The following LRP11 variants were observed in gnomAD, a reference collection of about 807,000 sequenced individuals.
LRP11 encodes LDL receptor related protein 11, also known as low-density lipoprotein receptor-related protein 11.
LRP11 carries 25 observed loss-of-function variants against 43.1 expected under a neutral mutation model. That is an observed-to-expected ratio of 0.58 (90% CI 0.42 to 0.81). The LOEUF (loss-of-function observed/expected upper bound fraction) is 0.81. Among genes scored for constraint, LRP11 ranks in the 30% least tolerant of loss-of-function variants. The pLI is 0.00. For synonymous variants in LRP11, 316 were observed against 299.4 expected (o/e 1.06, Z -0.57); for missense variants, 623 against 665.1 (o/e 0.94, Z 0.70).
intron 6 of LRP11, among the ~76,000 whole-genome samples, chr6:149,824,336 A>G (rs1776312403): frequency 6.6e-6 from 1 of 152,300 alleles, no homozygotes; most frequent in Admixed American, 6.5e-5. Flanking sequence ...GAACTGTCTG[A>G]TCTGATTCCT....
chr6:149,843,170 T>C (rs112078168), intron 2 of LRP11, 46 bp from the exon 3 acceptor site: 1 of 1,611,884 alleles, frequency 6.2e-7, no homozygotes, highest in Non-Finnish European at 8.5e-7. Flanking sequence ...AGACTTGAGC[T>C]CCGAGCCCAA....
rs1776242549 is a variant in LRP11, at chr6:149,818,796, TTAA to T, written c.*1750_*1752del. 6.6e-6 allele frequency: 1 copy of T among 152,254 alleles called. No homozygotes were observed. The highest frequency in any genetic ancestry group is 1.5e-5 in the Non-Finnish European group (1 of 68,032). 9.4% of individuals were successfully genotyped at this position (152,254 alleles called of 1,614,324 possible). A position where few individuals can be genotyped will look rare whatever the true frequency, so the allele number is the denominator to read the frequency against. The stretch of plus-strand genomic sequence containing the variant: ...GATTATATTAAAAGGAAAAAAAGGC[TTAA>T]TAATAAAATACAATTTATTAAAGGA... On this transcript the variant is annotated 3_prime_UTR_variant, in exon 7 of 7. Transcript: ENST00000239367.
At position 149,820,928 on chromosome 6, in the gene LRP11, CTTT is replaced by C. The variant is rs11399122; in HGVS notation, c.1349-228_1349-226del. On this transcript the variant is annotated intron_variant, in intron 6 of 6. Coordinates refer to ENST00000239367, the MANE Select transcript of LRP11 (RefSeq NM_032832.6). ...TGTAGGTTCAGGTCCCAAACCTAGA[CTTT>C]TTTTTTTTTTTTTTTTTGAGATGGA... is the stretch of plus-strand genomic sequence containing the variant. Among the ~76,000 whole-genome samples the C allele has an allele frequency of 5.3e-3, 615 of 116,444 alleles. 9 individuals carry two copies. Among genetic ancestry groups the C allele is most frequent in the Admixed American group, 0.039 (459 of 11,632 alleles). The allele number at this position is 116,444 out of a possible 152,430, so 76.4% of individuals were successfully genotyped here.
intron 5 of LRP11, among the ~76,000 whole-genome samples, chr6:149,831,407 G>C (rs2115378769): frequency 6.6e-6 from 1 of 152,330 alleles, no homozygotes; most frequent in Non-Finnish European, 1.5e-5. Flanking sequence ...GGATACAAGA[G>C]GGTGGAATTG....
Position 149,843,058 on chromosome 6 carries a change from C to A in LRP11, c.838G>T (p.Val280Leu), listed in dbSNP as rs769388596. Residue 280 changes from valine to leucine, a missense_variant, in exon 3 of 7, where the codon GTG becomes TTG. Val to Leu is a conservative substitution (Grantham distance 32). Transcript: ENST00000239367. ...CTTCTCTGCCCGGCAGTGTCCGTCA[C>A]GGTCAGCTGGAAGGTGTAGGTTCCC... ...QEGTYTFQLT[V>L]TDTAGQRSSD... The A allele has an allele frequency of 6.2e-7, 1 of 1,614,090 alleles. No individual in the cohort carries two copies. The highest frequency in any genetic ancestry group is 8.5e-7 in the Non-Finnish European group (1 of 1,180,040).
At chr6:149,844,184 C>T (rs989019038) in intron 2 of LRP11, among the ~76,000 whole-genome samples, 2 of 148,578 alleles carry the variant, frequency 1.3e-5, no homozygotes, top group Non-Finnish European at 3.0e-5. Flanking sequence ...AACTGGGAGA[C>T]AGAGGTTGTA....
chr6:149,838,337 A>C (rs2115386256), intron 3 of LRP11, among the ~76,000 whole-genome samples: 1 of 152,226 alleles, frequency 6.6e-6, no homozygotes, highest in South Asian at 2.1e-4. Flanking sequence ...CGTCCCTGGT[A>C]CTGTAGAGAA....
chr6:149,825,877 G>A (rs1776332280), intron 6 of LRP11, among the ~76,000 whole-genome samples: 1 of 152,148 alleles, frequency 6.6e-6, no homozygotes, highest in South Asian at 2.1e-4. Flanking sequence ...TTGAACTCCT[G>A]AGCTCAAGCG....
Position 149,844,416 on chromosome 6 carries a change from C to G in LRP11, c.772-1292G>C, listed in dbSNP as rs1388028966. 2.6e-5 allele frequency among the ~76,000 whole-genome samples: 4 copies of G among 152,156 alleles called. No individual in the cohort carries two copies. In the East Asian group the frequency reaches 7.7e-4, roughly 29 times the overall value. On this transcript the variant is annotated intron_variant, in intron 2 of 6. Coordinates refer to ENST00000239367, the MANE Select transcript of LRP11 (RefSeq NM_032832.6). ...TCCTGGGCTTCAGTTCTGATCACTC[C>G]CTAACCCAGGGCTCCATGCTTGCCC...
intron 4 of LRP11, 105 bp downstream of exon 4, chr6:149,837,233 T>C (rs1421974192): frequency 1.6e-6 from 2 of 1,249,984 alleles, no homozygotes; most frequent in Non-Finnish European, 2.2e-6. Context: ...ATAACTAAAA[T>C]CAAGCAGGGG....
In LRP11 at chr6:149,823,267, G is replaced by A. The variant is rs368645669; in HGVS notation, c.1349-2564C>T. 2.9e-4 allele frequency among the ~76,000 whole-genome samples: 44 copies of A among 152,304 alleles called. No individual in the cohort carries two copies. The South Asian group carries it at 8.5e-3, about 29-fold the overall frequency. On this transcript the variant is annotated intron_variant, in intron 6 of 6. Coordinates refer to ENST00000239367, the MANE Select transcript of LRP11 (RefSeq NM_032832.6). ...AGCAATTGGTAATTCATTTATGGGA[G>A]TACAGAAGATGGAGGATGCTACTTT...
intron 2 of LRP11, chr6:149,852,707 G>A: frequency 3.5e-6 from 1 of 288,328 alleles, no homozygotes; most frequent in South Asian, 1.6e-4. Context: ...AGTAATCTGA[G>A]TCATTAAAAC....
intron 6 of LRP11, among the ~76,000 whole-genome samples, chr6:149,824,775 G>A (rs892527048): frequency 1.1e-4 from 16 of 152,178 alleles, no homozygotes; most frequent in African/African-American, 2.9e-4. Flanking sequence ...CAGGGGAATC[G>A]TTTGAACCCG....
intron 5 of LRP11, among the ~76,000 whole-genome samples, chr6:149,833,558 T>A (rs1451227942): frequency 1.3e-5 from 2 of 152,238 alleles, no homozygotes; most frequent in African/African-American, 2.4e-5. Flanking sequence ...TATATGTGTA[T>A]GAATAGAAGT....
intron 2 of LRP11, among the ~76,000 whole-genome samples, chr6:149,848,774 T>C (rs1391560616): frequency 2.6e-5 from 4 of 151,310 alleles, no homozygotes; most frequent in African/African-American, 4.9e-5. Flanking sequence ...AAAACAAAAC[T>C]GCTGGGTAAT....
chr6:149,837,192 C>T, intron 4 of LRP11, 146 bp downstream of exon 4: 1 of 800,738 alleles, frequency 1.2e-6, no homozygotes, highest in Non-Finnish European at 1.9e-6. Flanking sequence ...ATTGAATTCT[C>T]ATTTAAGGCA....
chr6:149,842,931 C>T lies in LRP11; in HGVS notation c.913+52G>A, dbSNP rs1018183025. 25 of 1,607,696 alleles carry T rather than the reference C, an allele frequency of 1.6e-5. No homozygotes were observed. The highest frequency in any genetic ancestry group is 4.5e-5 in the East Asian group (2 of 44,778). ...AGAGCCAGAGGACAAAGCGCCAACC[C>T]GACATTGCCTTCCACAAGCAGTGGG... On this transcript the variant is annotated intron_variant, in intron 3 of 6. Coordinates refer to ENST00000239367, the MANE Select transcript of LRP11 (RefSeq NM_032832.6).
Position 149,863,526 on chromosome 6 carries a change from G to A in LRP11, c.495C>T (p.Cys165=). 7.4e-7 allele frequency: 1 copy of A among 1,352,198 alleles called. No homozygotes were observed. The highest frequency in any genetic ancestry group is 3.1e-5 in the East Asian group (1 of 32,178). The allele number at this position is 1,352,198 out of a possible 1,614,324, so 83.8% of individuals were successfully genotyped here. The change falls in exon 1 of 7, where the codon TGC becomes TGT. Residue 165 remains cysteine (C), a synonymous_variant. Coordinates refer to ENST00000239367, the MANE Select transcript of LRP11 (RefSeq NM_032832.6). ...AAVLGCYLFN[C]TARGRNVCKF... is the part of the protein sequence containing the mutation. ...TGCAGACGTTGCGGCCGCGCGCCGT[G>A]CAGTTGAAGAGGTAGCAGCCGAGCA...
At chr6:149,820,761 C>A (rs939823009) in intron 6 of LRP11, 58 bp from the exon 7 acceptor site, 1 of 771,632 alleles carries the variant, frequency 1.3e-6, no homozygotes, top group Non-Finnish European at 2.4e-6. Context: ...GTGACAGCTA[C>A]TGGTCACTAT....
Sources: allele counts gnomAD v4.1 joint callset (sites outside exome capture counted in the v4.1 genomes callset), GRCh38; gene constraint gnomAD v4.1.1; transcripts MANE v1.5; gene names NCBI Gene and HGNC (gene_info 2026-07-23, HGNC 2026-07-21).